MTNR1A: variants seen among roughly 807,000 people sequenced by gnomAD.
MTNR1A encodes the protein melatonin receptor type 1A.
MTNR1A carries 7 observed loss-of-function variants against 5.5 expected under a neutral mutation model. The ratio of observed to expected loss-of-function variants is 1.28; its 90% CI spans 0.73 to 2.40. The LOEUF (loss-of-function observed/expected upper bound fraction) is 2.40, where lower values mean the gene tolerates loss of function less well. Among genes scored for constraint, MTNR1A ranks in the 30% most tolerant of loss-of-function variants. The pLI, the probability that MTNR1A is intolerant of heterozygous loss-of-function variation, is 0.00. For synonymous variants in MTNR1A, 196 were observed against 202.7 expected (o/e 0.97, Z 0.28); for missense variants, 441 against 464.4 (o/e 0.95, Z 0.46).
At chr4:186,541,991 T>A (rs1737036126) in intron 1 of MTNR1A, among the ~76,000 whole-genome samples, 1 of 152,210 alleles carries the variant, frequency 6.6e-6, no homozygotes, top group Non-Finnish European at 1.5e-5. Context: ...GCAACCTGTG[T>A]ATATCAGTTA....
At chr4:186,536,224 T>C (rs1736846337) in intron 1 of MTNR1A, among the ~76,000 whole-genome samples, 1 of 151,724 alleles carries the variant, frequency 6.6e-6, no homozygotes, top group African/African-American at 2.4e-5. Context: ...CGGGCACCTG[T>C]AATCCCAACT....
At chr4:186,538,198 G>A (rs1223032682) in intron 1 of MTNR1A, among the ~76,000 whole-genome samples, 1 of 152,200 alleles carries the variant, frequency 6.6e-6, no homozygotes. Flanking sequence ...ACCTCGGTGA[G>A]GACACTGCCT....
chr4:186,533,796 C>T lies in MTNR1A; in HGVS notation c.946G>A (p.Ala316Thr), dbSNP rs752955173. ...GAGCTGTCCACAAAGAACACCCTGG[C>T]TGTACAGAGCGAGACTATAATTCTC... ...YRRIIVSLCT[A>T]RVFFVDSSND... Residue 316 changes from alanine to threonine, a missense_variant, in exon 2 of 2, where the codon GCC (alanine) becomes ACC (threonine). Coordinates refer to ENST00000307161, the MANE Select transcript of MTNR1A (RefSeq NM_005958.4). 16 of 1,614,096 alleles carry T rather than the reference C, an allele frequency of 9.9e-6. No individual in the cohort carries two copies. The South Asian group carries it at 1.6e-4, about 17-fold the overall frequency.
intron 1 of MTNR1A, among the ~76,000 whole-genome samples, chr4:186,552,676 C>T (rs745433897): frequency 6.6e-6 from 1 of 152,118 alleles, no homozygotes; most frequent in Non-Finnish European, 1.5e-5. Flanking sequence ...TGAGGCTAAG[C>T]GGTTGGGTAT....
intron 1 of MTNR1A, among the ~76,000 whole-genome samples, chr4:186,543,016 CCAAGAGTT>C (rs1737060715): frequency 6.6e-6 from 1 of 152,094 alleles, no homozygotes; most frequent in East Asian, 1.9e-4. Flanking sequence ...TCACTTGAGC[CCAAGAGTT>C]CAAGGCTGCA....
chr4:186,548,966 C>T (rs564105908), intron 1 of MTNR1A, among the ~76,000 whole-genome samples: 30 of 149,438 alleles, frequency 2.0e-4, no homozygotes, highest in African/African-American at 5.9e-4. Context: ...GAGGGAACAA[C>T]GAAAGGAGCT....
chr4:186,538,355 T>C (rs1352710680), intron 1 of MTNR1A, among the ~76,000 whole-genome samples: 2 of 152,338 alleles, frequency 1.3e-5, no homozygotes, highest in Non-Finnish European at 2.9e-5. Context: ...AAGAGGCAAT[T>C]GCGTGAGATT....
rs190817244 is a variant in MTNR1A at position 186,536,342 on chromosome 4, G to A, written c.185-1785C>T. On this transcript the variant is annotated intron_variant, in intron 1 of 1. Coordinates refer to ENST00000307161, the MANE Select transcript of MTNR1A (RefSeq NM_005958.4). Reference sequence around the variant, plus strand: ...GCCTGGGTGACAAGAGCAAAACTCCGTATCAAAAAAAAAAAAGAAAAAAAA... The same window carrying A: ...GCCTGGGTGACAAGAGCAAAACTCCATATCAAAAAAAAAAAAGAAAAAAAA... Among the ~76,000 whole-genome samples the A allele has an allele frequency of 2.2e-3, 326 of 147,370 alleles. 1 individual carries two copies. The highest frequency in any genetic ancestry group is 8.1e-3 in the African/African-American group (318 of 39,332).
At chr4:186,539,662 G>C (rs980087352) in intron 1 of MTNR1A, among the ~76,000 whole-genome samples, 1 of 152,114 alleles carries the variant, frequency 6.6e-6, no homozygotes, top group African/African-American at 2.4e-5. Flanking sequence ...GACACAGCAA[G>C]AAGGCACCAT....
At chr4:186,537,349 T>A (rs1410252566) in intron 1 of MTNR1A, among the ~76,000 whole-genome samples, 1 of 152,196 alleles carries the variant, frequency 6.6e-6, no homozygotes, top group East Asian at 1.9e-4. Flanking sequence ...ATCATCTAAT[T>A]ATAATTATAC....
intron 1 of MTNR1A, among the ~76,000 whole-genome samples, chr4:186,538,718 A>G (rs59654547): frequency 0.32 from 49,235 of 152,098 alleles, 8,860 homozygotes; most frequent in East Asian, 0.64. Flanking sequence ...TAGCAATTTT[A>G]CTTCTTGGAT....
chr4:186,536,751 T>TA (rs1158410031), intron 1 of MTNR1A, among the ~76,000 whole-genome samples: 13 of 152,236 alleles, frequency 8.5e-5, no homozygotes. Context: ...GCAAATACTT[T>TA]AAAAATTGGT....
chr4:186,542,745 T>C (rs1411862309), intron 1 of MTNR1A, among the ~76,000 whole-genome samples: 1 of 152,172 alleles, frequency 6.6e-6, no homozygotes, highest in East Asian at 1.9e-4. Flanking sequence ...AAACTTTAGG[T>C]TCTGTTGGTC....
At chr4:186,542,347 C>T (rs1042946910) in intron 1 of MTNR1A, among the ~76,000 whole-genome samples, 7 of 152,206 alleles carry the variant, frequency 4.6e-5, no homozygotes, top group African/African-American at 1.7e-4. Flanking sequence ...CAACCTAACA[C>T]CCACGGACGT....
At position 186,547,721 on chromosome 4, in the gene MTNR1A, G is replaced by A. The variant is rs551695452; in HGVS notation, c.184+7461C>T. 9.9e-5 allele frequency among the ~76,000 whole-genome samples: 15 copies of A among 152,178 alleles called. No individual in the cohort carries two copies. The South Asian group carries it at 1.5e-3, about 15-fold the overall frequency. The stretch of plus-strand genomic sequence containing the variant: ...CTTGGCACTGCTTTCTATTATACAC[G>A]GTATTGTACACTGTACACTTTACAT... On this transcript the variant is annotated intron_variant, in intron 1 of 1. Transcript: ENST00000307161.
At chr4:186,540,558 G>A (rs1736990953) in intron 1 of MTNR1A, among the ~76,000 whole-genome samples, 1 of 152,264 alleles carries the variant, frequency 6.6e-6, no homozygotes, top group African/African-American at 2.4e-5. Flanking sequence ...CCTTGGTAGA[G>A]TCTGAATGCT....
At chr4:186,539,277 C>T (rs927848142) in intron 1 of MTNR1A, among the ~76,000 whole-genome samples, 1 of 148,266 alleles carries the variant, frequency 6.7e-6, no homozygotes, top group African/African-American at 2.5e-5. Context: ...AATGTCATTG[C>T]ATCACCCTCC....
chr4:186,546,843 A>G, intron 1 of MTNR1A, among the ~76,000 whole-genome samples: 1 of 144,656 alleles, frequency 6.9e-6, no homozygotes, highest in African/African-American at 2.7e-5. Context: ...CGTCCACACC[A>G]CACCCTGTTC....
chr4:186,551,994 ATGTATCATATCCC>A (rs1247825569), intron 1 of MTNR1A, among the ~76,000 whole-genome samples: 2 of 152,206 alleles, frequency 1.3e-5, no homozygotes, highest in African/African-American at 4.8e-5. Flanking sequence ...TCTTTCTAAA[ATGTATCATATCCC>A]TGTCTTCTTA....
Sources: gnomAD v4.1 joint callset for allele counts (sites outside exome capture counted in the v4.1 genomes callset) on GRCh38, gnomAD v4.1.1 for gene constraint, MANE v1.5 for transcripts, NCBI Gene and HGNC (gene_info 2026-07-23, HGNC 2026-07-21) for gene names.